The following TRAPPC9 variants were observed in gnomAD, a reference collection of about 807,000 sequenced individuals.
TRAPPC9 encodes the protein trafficking protein particle complex subunit 9, also known as IKK2 binding protein.
A neutral mutation model predicts 124.0 loss-of-function variants in TRAPPC9; 83 were observed. The ratio of observed to expected loss-of-function variants is 0.67; its 90% CI spans 0.56 to 0.80. The LOEUF is 0.80. Ranked by LOEUF, TRAPPC9 falls within the 30% of genes least tolerant of loss-of-function variation. The pLI is 0.00. For synonymous variants in TRAPPC9, 638 were observed against 617.5 expected, an observed-to-expected ratio of 1.03 and a Z score of -0.49; for missense variants, 1,302 against 1,508.3, an observed-to-expected ratio of 0.86 and a Z score of 2.27.
chr8:140,044,581 C>T (rs934978607), intron 17 of TRAPPC9, among the ~76,000 whole-genome samples: 4 of 152,226 alleles, frequency 2.6e-5, no homozygotes, highest in African/African-American at 9.6e-5. Context: ...CATGACAGTG[C>T]CCCCAGGGCA....
chr8:140,222,197 C>G (rs1019367959), intron 16 of TRAPPC9, among the ~76,000 whole-genome samples: 20 of 152,262 alleles, frequency 1.3e-4, no homozygotes, highest in African/African-American at 4.8e-4. Flanking sequence ...TGCCGCTTGA[C>G]CTTAGTCTAA....
chr8:139,744,096 G>A (rs941569274), intron 21 of TRAPPC9, among the ~76,000 whole-genome samples: 2 of 152,204 alleles, frequency 1.3e-5, no homozygotes, highest in Admixed American at 6.5e-5. Context: ...CGCACTCACA[G>A]CCTCTCCTGC....
At chr8:140,055,186 T>C (rs1729069285) in intron 17 of TRAPPC9, among the ~76,000 whole-genome samples, 1 of 152,170 alleles carries the variant, frequency 6.6e-6, no homozygotes, top group Non-Finnish European at 1.5e-5. Flanking sequence ...CTAAGTGAGA[T>C]TTATCTCTGG....
At chr8:139,923,845 A>G (rs1832653159) in intron 19 of TRAPPC9, among the ~76,000 whole-genome samples, 1 of 152,230 alleles carries the variant, frequency 6.6e-6, no homozygotes, top group African/African-American at 2.4e-5. Flanking sequence ...TTGTTAACAA[A>G]ATGCCTCAAT....
At chr8:140,401,979 A>G (rs1288667185) in intron 6 of TRAPPC9, among the ~76,000 whole-genome samples, 2 of 150,426 alleles carry the variant, frequency 1.3e-5, no homozygotes, top group East Asian at 1.9e-4. Context: ...TTTCATGGCC[A>G]GTATGATTAA....
At chr8:139,872,909 TGG>T (rs1829089180) in intron 21 of TRAPPC9, among the ~76,000 whole-genome samples, 1 of 2,188 alleles carries the variant, frequency 4.6e-4, no homozygotes, top group Admixed American at 3.2e-3. Context: ...GATGGATGGA[TGG>T]ATGGATGGAT....
intron 10 of TRAPPC9, among the ~76,000 whole-genome samples, chr8:140,308,203 A>G (rs1377962547): frequency 6.6e-6 from 1 of 152,066 alleles, no homozygotes. Context: ...AAGGGAAAGC[A>G]GGAGCGTAGG....
chr8:139,927,544 C>A (rs1182106730), intron 19 of TRAPPC9, among the ~76,000 whole-genome samples: 2 of 152,168 alleles, frequency 1.3e-5, no homozygotes, highest in East Asian at 1.9e-4. Flanking sequence ...CTGCACCTGA[C>A]CTGGTCTGGT....
chr8:139,742,965 C>T lies in TRAPPC9; in HGVS notation c.3056-10763G>A, dbSNP rs74523712. 4.2e-3 allele frequency among the ~76,000 whole-genome samples: 642 copies of T among 152,232 alleles called. 9 individuals are homozygous for T. Among genetic ancestry groups the T allele is most frequent in the African/African-American group, 0.015 (628 of 41,558 alleles). On this transcript the variant is annotated intron_variant, in intron 21 of 22. Coordinates refer to ENST00000438773, the MANE Select transcript of TRAPPC9 (RefSeq NM_001160372.4). This position sits in a 1 kb window ranked among gnomAD's most constrained non-coding sequence, Gnocchi z 4.7. Reference sequence around the variant, plus strand: ...GGTGGTGCTGAGCATGAGTTTCTGCCGTGCATGTGTCCAGGGTTGCAGGCC... The same window carrying T: ...GGTGGTGCTGAGCATGAGTTTCTGCTGTGCATGTGTCCAGGGTTGCAGGCC...
intron 9 of TRAPPC9, among the ~76,000 whole-genome samples, chr8:140,314,473 T>G (rs906363047): frequency 6.6e-6 from 1 of 152,212 alleles, no homozygotes; most frequent in Non-Finnish European, 1.5e-5. Context: ...CAAATTCCTC[T>G]CTTCTAGATC....
chr8:140,114,648 C>T (rs1339584361), intron 17 of TRAPPC9, among the ~76,000 whole-genome samples: 1 of 152,086 alleles, frequency 6.6e-6, no homozygotes, highest in Non-Finnish European at 1.5e-5. Flanking sequence ...ACATCCAAGA[C>T]TTAAAGACAA....
At chr8:140,320,891 A>G (rs1588147271) in intron 9 of TRAPPC9, among the ~76,000 whole-genome samples, 1 of 152,098 alleles carries the variant, frequency 6.6e-6, no homozygotes, top group Non-Finnish European at 1.5e-5. Flanking sequence ...ATAGCATCCC[A>G]CTGTCATGAA....
intron 22 of TRAPPC9, 66 bp downstream of exon 22, chr8:139,731,913 C>T: frequency 6.8e-7 from 1 of 1,464,746 alleles, no homozygotes; most frequent in Non-Finnish European, 9.4e-7. Context: ...GCCCACCACC[C>T]AGGGAAGGGG....
At chr8:140,428,091 C>G (rs538229448) in intron 4 of TRAPPC9, among the ~76,000 whole-genome samples, 7 of 152,278 alleles carry the variant, frequency 4.6e-5, no homozygotes, top group Admixed American at 4.6e-4. Context: ...TTGAGGAAGT[C>G]TGGATTTCCA....
intron 19 of TRAPPC9, among the ~76,000 whole-genome samples, chr8:139,973,897 G>A (rs1424718687): frequency 6.6e-6 from 1 of 152,032 alleles, no homozygotes; most frequent in Non-Finnish European, 1.5e-5. Flanking sequence ...GAGTCCCTGC[G>A]AACCTCCCCA....
chr8:140,044,054 C>T (rs1332368917), intron 17 of TRAPPC9, among the ~76,000 whole-genome samples: 1 of 152,168 alleles, frequency 6.6e-6, no homozygotes, highest in African/African-American at 2.4e-5. Context: ...ATTGTGCCAG[C>T]AGGGTGTCAG....
chr8:140,094,932 G>A (rs1433005434), intron 17 of TRAPPC9: 1 of 152,206 alleles, frequency 6.6e-6, no homozygotes, highest in African/African-American at 2.4e-5. Context: ...CACCTGCAGT[G>A]GGTACTCAAA....
chr8:139,859,031 C>T (rs1371249127), intron 21 of TRAPPC9, among the ~76,000 whole-genome samples: 3 of 151,448 alleles, frequency 2.0e-5, no homozygotes, highest in South Asian at 2.1e-4. Context: ...TCCTTTCCCA[C>T]AGCAGACGCT....
At chr8:139,901,496 A>G (rs1183560860) in intron 20 of TRAPPC9, among the ~76,000 whole-genome samples, 1 of 152,146 alleles carries the variant, frequency 6.6e-6, no homozygotes, top group Admixed American at 6.5e-5. Context: ...TGGACAGAAG[A>G]TGTCACACAG....
Sources: gnomAD v4.1 joint callset for allele counts (sites outside exome capture counted in the v4.1 genomes callset) on GRCh38, gnomAD v4.1.1 for gene constraint, Gnocchi (gnomAD v3.1) non-coding constraint, MANE v1.5 for transcripts, NCBI Gene and HGNC (gene_info 2026-07-23, HGNC 2026-07-21) for gene names.